Variants in TENT5D observed in about 807,000 individuals in gnomAD.
TENT5D encodes the protein cancer/testis antigen 112.
For synonymous variants in TENT5D, 103 were observed against 100.6 expected (o/e 1.02, Z -0.15); for missense variants, 191 against 287.0 (o/e 0.67, Z 2.42).
At chrX:80,413,993 A>G (rs1931721639) in intron 3 of TENT5D, among the ~76,000 whole-genome samples, 1 of 112,155 alleles carries the variant, frequency 8.9e-6, no homozygotes, top group African/African-American at 3.2e-5. Context: ...GTTAATCTTA[A>G]CTTTAGTGAA....
chrX:80,366,078 C>G (rs1191313708), intron 3 of TENT5D, among the ~76,000 whole-genome samples: 1 of 110,741 alleles, frequency 9.0e-6, no homozygotes, highest in Non-Finnish European at 1.9e-5. Flanking sequence ...TCAAAGGTCT[C>G]ACTTGTACTG....
intron 1 of TENT5D, among the ~76,000 whole-genome samples, chrX:80,423,133 A>T (rs1412397953): frequency 8.9e-6 from 1 of 112,150 alleles, no homozygotes; most frequent in South Asian, 3.7e-4. Flanking sequence ...TGCATCATTT[A>T]CATCAGAAGC....
chrX:80,405,107 G>A (rs372438362), intron 3 of TENT5D, among the ~76,000 whole-genome samples: 2 of 111,902 alleles, frequency 1.8e-5, no homozygotes, highest in African/African-American at 3.2e-5. Flanking sequence ...GAAGGAGAGC[G>A]TTATTATTTT....
intron 3 of TENT5D, among the ~76,000 whole-genome samples, chrX:80,369,838 G>T (rs1930587537): frequency 8.9e-6 from 1 of 111,874 alleles, no homozygotes; most frequent in Admixed American, 9.5e-5. Context: ...ATATCTGTAG[G>T]TGTTCAGGGG....
intron 1 of TENT5D, among the ~76,000 whole-genome samples, chrX:80,434,280 T>A (rs1569374916): frequency 9.2e-6 from 1 of 109,119 alleles, no homozygotes; most frequent in African/African-American, 3.3e-5. Flanking sequence ...TCCTTGTAGG[T>A]CTGAATAGAA....
rs747151225 is a variant in TENT5D, at chrX:80,367,809, A to C, written c.-142+25245A>C. Reference sequence around the variant, plus strand: ...AAACATGAAACAGTTGAACTCATGGAGATAAAGAGCAGAAAGTGTTTATCA... The same window carrying C: ...AAACATGAAACAGTTGAACTCATGGCGATAAAGAGCAGAAAGTGTTTATCA... On this transcript the variant is annotated intron_variant, in intron 3 of 4. Transcript: ENST00000538312. 2.7e-5 allele frequency among the ~76,000 whole-genome samples: 3 copies of C among 111,796 alleles called. No individual in the cohort carries two copies. The South Asian group carries it at 1.1e-3, about 42-fold the overall frequency.
At chrX:80,410,456 A>G (rs1931630713) in intron 3 of TENT5D, among the ~76,000 whole-genome samples, 1 of 85,737 alleles carries the variant, frequency 1.2e-5, no homozygotes, top group Non-Finnish European at 2.3e-5. Context: ...CACTTCTCAA[A>G]AGAAGACATT....
At chrX:80,402,364 A>G (rs1214800191) in intron 3 of TENT5D, among the ~76,000 whole-genome samples, 1 of 110,691 alleles carries the variant, frequency 9.0e-6, no homozygotes, top group Non-Finnish European at 1.9e-5. Flanking sequence ...AGTTTTATAG[A>G]TTTCTTGTAT....
At chrX:80,405,616 C>CT (rs1458582949) in intron 3 of TENT5D, among the ~76,000 whole-genome samples, 1 of 111,828 alleles carries the variant, frequency 8.9e-6, no homozygotes, top group African/African-American at 3.2e-5. Flanking sequence ...CCCAGGGAGT[C>CT]TCGCTGATTG....
chrX:80,390,702 G>A (rs1006960572), intron 3 of TENT5D, among the ~76,000 whole-genome samples: 4 of 111,047 alleles, frequency 3.6e-5, no homozygotes, highest in African/African-American at 1.3e-4. Flanking sequence ...GTAGAGTACT[G>A]GAAATTGTGA....
At chrX:80,378,648 T>C (rs1930783875) in intron 3 of TENT5D, among the ~76,000 whole-genome samples, 1 of 111,356 alleles carries the variant, frequency 9.0e-6, no homozygotes, top group Non-Finnish European at 1.9e-5. Flanking sequence ...ATCTCTGTTT[T>C]GGTAGCAGTA....
intron 3 of TENT5D, among the ~76,000 whole-genome samples, chrX:80,352,565 T>G (rs1401262199): frequency 1.8e-5 from 2 of 109,813 alleles, no homozygotes; most frequent in Non-Finnish European, 1.9e-5. Context: ...GCAACAAGAA[T>G]TTCAAGCCAG....
At chrX:80,376,988 G>A (rs1205667793) in intron 3 of TENT5D, among the ~76,000 whole-genome samples, 1 of 110,595 alleles carries the variant, frequency 9.0e-6, no homozygotes, top group East Asian at 2.9e-4. Context: ...ACTATTATAG[G>A]GGCTGCTGGG....
At chrX:80,385,499 G>A (rs985392696) in intron 3 of TENT5D, among the ~76,000 whole-genome samples, 1 of 111,817 alleles carries the variant, frequency 8.9e-6, no homozygotes, top group African/African-American at 3.3e-5. Context: ...TGCCATTCAG[G>A]ACATAGGCAT....
chrX:80,380,376 C>T (rs1401867095), intron 3 of TENT5D, among the ~76,000 whole-genome samples: 3 of 110,862 alleles, frequency 2.7e-5, no homozygotes, highest in African/African-American at 9.9e-5. Flanking sequence ...GCTTTGCTTC[C>T]AACTATGTGG....
chrX:80,385,127 CA>C (rs745901340), intron 3 of TENT5D, among the ~76,000 whole-genome samples: 37 of 111,130 alleles, frequency 3.3e-4, no homozygotes, highest in Non-Finnish European at 6.0e-4. Flanking sequence ...AATCCTAAGC[CA>C]AAAGAACAAA....
chrX:80,378,489 T>C (rs1930780290), intron 3 of TENT5D, among the ~76,000 whole-genome samples: 1 of 111,587 alleles, frequency 9.0e-6, no homozygotes, highest in Non-Finnish European at 1.9e-5. Context: ...AAATAGGACA[T>C]CCTTTCCCCA....
chrX:80,409,591 A>C (rs922910299), intron 3 of TENT5D, among the ~76,000 whole-genome samples: 3 of 111,060 alleles, frequency 2.7e-5, no homozygotes, highest in Non-Finnish European at 5.7e-5. Context: ...TCAAGGAAAT[A>C]AAAGAGGATA....
At chrX:80,345,263 G>A (rs1930036205) in intron 3 of TENT5D, among the ~76,000 whole-genome samples, 1 of 111,121 alleles carries the variant, frequency 9.0e-6, no homozygotes, top group Non-Finnish European at 1.9e-5. Context: ...TGTATCATCA[G>A]AGATTCCAGA....
Sources: gnomAD v4.1 joint callset for allele counts (sites outside exome capture counted in the v4.1 genomes callset) on GRCh38, gnomAD v4.1.1 for gene constraint, MANE v1.5 for transcripts, NCBI Gene and HGNC (gene_info 2026-07-23, HGNC 2026-07-21) for gene names.